Variants in NBAS observed in about 807,000 individuals in gnomAD.
NBAS encodes NAG/BC035112 fusion.
NBAS carries 219 observed loss-of-function variants against 302.5 expected under a neutral mutation model. That is an observed-to-expected ratio of 0.72 (90% confidence interval 0.65 to 0.81). The LOEUF (loss-of-function observed/expected upper bound fraction) is 0.81. Ranked by LOEUF, NBAS falls within the 30% of genes least tolerant of loss-of-function variation. NBAS has a pLI of 0.00. For missense variants in NBAS, 2,932 were observed against 2,841.6 expected, an observed-to-expected ratio of 1.03 and a Z score of -0.72; for synonymous variants, 1,118 against 1,021.6, an observed-to-expected ratio of 1.09 and a Z score of -1.80.
At chr2:15,330,830 A>G (rs923482110) in intron 35 of NBAS, 65 bp from the exon 36 acceptor site, 3 of 1,516,416 alleles carry the variant, frequency 2.0e-6, no homozygotes, top group Non-Finnish European at 1.8e-6. Flanking sequence ...GAAGACAGTG[A>G]TAATGTGACT....
chr2:15,122,945 A>AGGAT, the NBAS span, among the ~76,000 whole-genome samples: 1 of 116,018 alleles, frequency 8.6e-6, no homozygotes, highest in African/African-American at 5.3e-5. Context: ...GTGGTGTGGT[A>AGGAT]GGACTCACAT....
intron 44 of NBAS, among the ~76,000 whole-genome samples, chr2:15,250,711 C>T (rs189108805): frequency 1.9e-3 from 282 of 152,298 alleles, no homozygotes; most frequent in Non-Finnish European, 2.8e-3. Context: ...ATGAAAAAAG[C>T]TCATCATCAC....
At chr2:15,054,770 C>G in the NBAS span, among the ~76,000 whole-genome samples, 3 of 152,172 alleles carry the variant, frequency 2.0e-5, no homozygotes, top group South Asian at 2.1e-4. Flanking sequence ...ATGAGGGCCT[C>G]CTGGATATGT....
chr2:15,134,357 C>T, the NBAS span, among the ~76,000 whole-genome samples: 1 of 152,192 alleles, frequency 6.6e-6, no homozygotes, highest in Admixed American at 6.5e-5. Context: ...AGGCTTCAGA[C>T]TTCCAGCTTC....
At chr2:14,913,044 CA>C in the NBAS span, among the ~76,000 whole-genome samples, 1 of 152,078 alleles carries the variant, frequency 6.6e-6, no homozygotes, top group African/African-American at 2.4e-5. Flanking sequence ...TTACAAAACC[CA>C]TTTATAAGAG....
chr2:15,258,351 G>C (rs1209222572), intron 44 of NBAS, among the ~76,000 whole-genome samples: 1 of 152,146 alleles, frequency 6.6e-6, no homozygotes, highest in Non-Finnish European at 1.5e-5. Flanking sequence ...AGGGAACAAG[G>C]TAAGGGAAGG....
chr2:15,239,740 T>A (rs1003028881), intron 44 of NBAS, among the ~76,000 whole-genome samples: 2 of 152,008 alleles, frequency 1.3e-5, no homozygotes, highest in Admixed American at 1.3e-4. Context: ...GATTATGAGC[T>A]ATTTTTTTTT....
the NBAS span, among the ~76,000 whole-genome samples, chr2:14,956,689 C>T: frequency 6.6e-6 from 1 of 152,144 alleles, no homozygotes; most frequent in African/African-American, 2.4e-5. Flanking sequence ...GGGGAAGCCC[C>T]TTATAAAACC....
intron 21 of NBAS, among the ~76,000 whole-genome samples, chr2:15,436,497 C>T (rs1678022596): frequency 6.6e-6 from 1 of 151,814 alleles, no homozygotes; most frequent in South Asian, 2.1e-4. Context: ...CCAAGTTATA[C>T]AAAGGCAGTA....
Position 15,275,774 on chromosome 2 carries a change from C to T in NBAS, c.5434G>A (p.Glu1812Lys). 6.2e-7 allele frequency: 1 copy of T among 1,613,988 alleles called. No individual in the cohort carries two copies. Residue 1812 changes from glutamate to lysine, a missense_variant, in exon 44 of 52, where the codon GAA becomes AAA. Coordinates refer to ENST00000281513, the MANE Select transcript of NBAS (RefSeq NM_015909.4). ...KLTDENMSPL[E>K]ALEPVLSSQN... is the part of the protein sequence containing the mutation. ...CTTGAAAGAACTGGCTCCAATGCTT[C>T]AAGAGGACTCATGTTTTCATCTGTC...
intron 38 of NBAS, among the ~76,000 whole-genome samples, chr2:15,324,543 T>C (rs1271210257): frequency 6.6e-6 from 1 of 152,200 alleles, no homozygotes; most frequent in Non-Finnish European, 1.5e-5. Context: ...AGAAGGCCTC[T>C]TCACAACACC....
chr2:15,069,474 G>A, the NBAS span, among the ~76,000 whole-genome samples: 1 of 151,780 alleles, frequency 6.6e-6, no homozygotes, highest in Non-Finnish European at 1.5e-5. Context: ...TTTTCTGAAC[G>A]ATCTCTATCC....
the NBAS span, among the ~76,000 whole-genome samples, chr2:15,044,954 A>T: frequency 6.6e-6 from 1 of 152,228 alleles, no homozygotes; most frequent in Non-Finnish European, 1.5e-5. Context: ...AGCACACAAC[A>T]ACGAAATGTC....
chr2:15,207,925 TA>T (rs1268774496), intron 48 of NBAS, among the ~76,000 whole-genome samples: 2 of 152,044 alleles, frequency 1.3e-5, no homozygotes, highest in Admixed American at 1.3e-4. Flanking sequence ...ACAAAAACTA[TA>T]AGAAGAAACA....
chr2:15,292,376 G>A (rs1670343301), intron 41 of NBAS, among the ~76,000 whole-genome samples, 161 bp downstream of exon 41: 1 of 152,148 alleles, frequency 6.6e-6, no homozygotes, highest in African/African-American at 2.4e-5. Context: ...GTTTGGAGAA[G>A]GCACACATCC....
the NBAS span, among the ~76,000 whole-genome samples, chr2:15,030,992 G>A: frequency 5.5e-4 from 83 of 152,264 alleles, no homozygotes; most frequent in East Asian, 0.015. Flanking sequence ...CTTTGTCCCC[G>A]GCACTGCCTC....
the NBAS span, among the ~76,000 whole-genome samples, chr2:15,008,310 G>A: frequency 1.9e-4 from 29 of 152,328 alleles, no homozygotes; most frequent in African/African-American, 6.0e-4. Context: ...ACTCTTGTGT[G>A]CTACAGGATG....
At chr2:14,870,462 C>A in the NBAS span, among the ~76,000 whole-genome samples, 2 of 152,126 alleles carry the variant, frequency 1.3e-5, no homozygotes, top group African/African-American at 4.8e-5. Context: ...TCCTCTAGCT[C>A]TAGTGGAGAA....
intron 11 of NBAS, among the ~76,000 whole-genome samples, chr2:15,495,872 T>A (rs779159589): frequency 6.6e-6 from 1 of 152,168 alleles, no homozygotes; most frequent in Non-Finnish European, 1.5e-5. Context: ...TGGAAAACTA[T>A]CTGACAACTC....
Sources: allele counts gnomAD v4.1 joint callset (sites outside exome capture counted in the v4.1 genomes callset), GRCh38; gene constraint gnomAD v4.1.1; transcripts MANE v1.5; gene names NCBI Gene and HGNC (gene_info 2026-07-23, HGNC 2026-07-21).